SGCD: variants seen among roughly 807,000 people sequenced by gnomAD.
SGCD encodes sarcoglycan delta.
In SGCD, 18 loss-of-function variants were observed where a neutral mutation model predicts 36.6. That is an observed-to-expected ratio of 0.49 (90% CI 0.34 to 0.73). SGCD has a LOEUF of 0.73. Among genes scored for constraint, SGCD ranks in the 30% least tolerant of loss-of-function variants. SGCD has a pLI of 0.01. For synonymous variants in SGCD, 133 were observed against 130.6 expected (o/e 1.02, Z -0.12); for missense variants, 387 against 346.7 (o/e 1.12, Z -0.92).
chr5:156,119,727 G>A (rs927108752), intron 2 of SGCD, among the ~76,000 whole-genome samples: 2 of 151,978 alleles, frequency 1.3e-5, no homozygotes, highest in South Asian at 2.1e-4. Context: ...TTGCCTTCTC[G>A]GGATGCCCAC....
intron 3 of SGCD, among the ~76,000 whole-genome samples, chr5:156,188,122 G>C (rs1763806670): frequency 6.6e-6 from 1 of 152,062 alleles, no homozygotes. Context: ...GCCTTGCCCT[G>C]GTCTGAGCTT....
At position 156,532,814 on chromosome 5, in the gene SGCD, T is replaced by C. The variant is rs568558007; in HGVS notation, c.294+24112T>C. 2.6e-5 allele frequency among the ~76,000 whole-genome samples: 4 copies of C among 152,254 alleles called. No individual in the cohort carries two copies. In the East Asian group the frequency reaches 7.7e-4, roughly 29 times the overall value. ...TAAAGGCTCTATCACTTTGATCTTC[T>C]ATTTAGAGATGAACAGTCAAAGGAT... On this transcript the variant is annotated intron_variant, in intron 4 of 8. Coordinates refer to ENST00000337851, the MANE Select transcript of SGCD (RefSeq NM_000337.6).
intron 3 of SGCD, among the ~76,000 whole-genome samples, chr5:156,202,669 A>C (rs1199793300): frequency 1.3e-5 from 2 of 151,310 alleles, no homozygotes; most frequent in Admixed American, 1.3e-4. Context: ...TGCTTCATGT[A>C]GGGTCTCACA....
At chr5:156,407,002 C>A (rs1404901639) in intron 3 of SGCD, among the ~76,000 whole-genome samples, 1 of 151,562 alleles carries the variant, frequency 6.6e-6, no homozygotes, top group Non-Finnish European at 1.5e-5. Context: ...GCATCCAGCA[C>A]GAGAGAAAGA....
intron 3 of SGCD, among the ~76,000 whole-genome samples, chr5:156,485,602 G>A (rs1182409487): frequency 6.6e-6 from 1 of 152,080 alleles, no homozygotes; most frequent in Non-Finnish European, 1.5e-5. Context: ...GGTGGAGGCT[G>A]CAGTGATCAC....
At chr5:156,383,702 T>C (rs989062621) in intron 3 of SGCD, among the ~76,000 whole-genome samples, 3 of 152,226 alleles carry the variant, frequency 2.0e-5, no homozygotes, top group South Asian at 2.1e-4. Flanking sequence ...ATGGAGAACA[T>C]ACATGGGCTC....
At chr5:156,381,917 T>G (rs1580902226) in intron 3 of SGCD, among the ~76,000 whole-genome samples, 1 of 152,190 alleles carries the variant, frequency 6.6e-6, no homozygotes. Flanking sequence ...CTCCTATGGG[T>G]GTTAGATTGA....
At chr5:155,909,856 A>C (rs183287593) in intron 1 of SGCD, among the ~76,000 whole-genome samples, 2 of 152,216 alleles carry the variant, frequency 1.3e-5, no homozygotes, top group Admixed American at 1.3e-4. Context: ...AGGGTTTTTT[A>C]AAGAGAATTC....
chr5:156,150,708 ACT>A (rs1424541936), intron 3 of SGCD, among the ~76,000 whole-genome samples: 1 of 151,538 alleles, frequency 6.6e-6, no homozygotes, highest in Non-Finnish European at 1.5e-5. Flanking sequence ...TTTCTCTAAG[ACT>A]CTTAAAATCC....
chr5:156,232,018 G>A (rs1012960289), intron 3 of SGCD, among the ~76,000 whole-genome samples: 5 of 152,096 alleles, frequency 3.3e-5, no homozygotes, highest in Admixed American at 2.6e-4. Context: ...AACATTAGAT[G>A]GAAGGACTGA....
intron 3 of SGCD, among the ~76,000 whole-genome samples, chr5:156,431,980 T>G (rs1029298098): frequency 6.6e-6 from 1 of 152,168 alleles, no homozygotes; most frequent in African/African-American, 2.4e-5. Context: ...CCTCTCAAAG[T>G]GCTGGAATTA....
intron 5 of SGCD, among the ~76,000 whole-genome samples, chr5:156,592,677 C>A (rs187608204): frequency 6.6e-6 from 1 of 152,082 alleles, no homozygotes; most frequent in Non-Finnish European, 1.5e-5. Context: ...TCTAACCTTG[C>A]GAGAGCCCTC....
chr5:156,494,224 G>A (rs1756074653), intron 3 of SGCD, among the ~76,000 whole-genome samples: 1 of 151,986 alleles, frequency 6.6e-6, no homozygotes, highest in Non-Finnish European at 1.5e-5. Flanking sequence ...AGCCTTCCAA[G>A]AGAGATACTG....
intron 3 of SGCD, among the ~76,000 whole-genome samples, chr5:156,357,597 T>A (rs930519510): frequency 1.3e-5 from 2 of 152,196 alleles, no homozygotes. Context: ...ACTAACTACA[T>A]AGCTTGTATT....
At chr5:156,688,608 C>T (rs1048719826) in intron 7 of SGCD, among the ~76,000 whole-genome samples, 1 of 152,096 alleles carries the variant, frequency 6.6e-6, no homozygotes, top group Non-Finnish European at 1.5e-5. Context: ...AGGTAGAAAT[C>T]CTGGGAACCA....
rs188291808 is a variant in SGCD, at chr5:156,719,285, T to G, written c.576-38296T>G. 4.6e-3 allele frequency among the ~76,000 whole-genome samples: 704 copies of G among 152,116 alleles called. 5 individuals are homozygous for G. The highest frequency in any genetic ancestry group is 0.016 in the African/African-American group (681 of 41,488). ...AAGTCAGTCTTGTTCTATTGAGACT[T>G]TCAACTGATTGGATGAGGCCCACCC... On this transcript the variant is annotated intron_variant, in intron 7 of 8. Coordinates refer to ENST00000337851, the MANE Select transcript of SGCD (RefSeq NM_000337.6).
At chr5:156,723,604 C>A (rs1316212789) in intron 7 of SGCD, among the ~76,000 whole-genome samples, 2 of 152,118 alleles carry the variant, frequency 1.3e-5, no homozygotes, top group East Asian at 1.9e-4. Flanking sequence ...ATAGAAGGAA[C>A]CTGAGCTAGT....
At chr5:156,324,292 T>A (rs911479754), upstream of SGCD, among the ~76,000 whole-genome samples, 5 of 152,190 alleles carry the variant, frequency 3.3e-5, no homozygotes, top group African/African-American at 1.2e-4. Context: ...AAAGAAATTA[T>A]TTGCATCTTT....
intron 2 of SGCD, among the ~76,000 whole-genome samples, chr5:156,335,429 A>T (rs1768297922): frequency 6.6e-6 from 1 of 152,146 alleles, no homozygotes; most frequent in Admixed American, 6.5e-5. Flanking sequence ...TGTCTGCTCT[A>T]TGTCTATGGC....
Sources: allele counts gnomAD v4.1 joint callset (sites outside exome capture counted in the v4.1 genomes callset), GRCh38; gene constraint gnomAD v4.1.1; transcripts MANE v1.5; gene names NCBI Gene and HGNC (gene_info 2026-07-23, HGNC 2026-07-21).